SDK2: variants seen among roughly 807,000 people sequenced by gnomAD.
SDK2 encodes sidekick cell adhesion molecule 2.
A neutral mutation model predicts 253.9 loss-of-function variants in SDK2; 105 were observed. The ratio of observed to expected loss-of-function variants is 0.41; its 90% CI spans 0.35 to 0.49. The LOEUF (loss-of-function observed/expected upper bound fraction) is 0.49, where lower values mean the gene tolerates loss of function less well. Among genes scored for constraint, SDK2 ranks in the 20% least tolerant of loss-of-function variants. SDK2 has a pLI of 0.06. For missense variants in SDK2, 2,608 were observed against 3,003.0 expected, an observed-to-expected ratio of 0.87 and a Z score of 3.07; for synonymous variants, 1,249 against 1,234.9, an observed-to-expected ratio of 1.01 and a Z score of -0.24.
In SDK2 at chr17:73,415,875, A is replaced by G. The variant is rs770941916; in HGVS notation, c.2304T>C (p.Ala768=). The part of the protein sequence containing the change: ...IIWTNYEIEV[A]AYNSAGLGVY... ...CCCCCAGCCCAGCGCTGTTGTAAGC[A>G]GCCACCTCGATCTCGTAGTTGGTCC... Residue 768 remains alanine (A), a synonymous_variant, in exon 17 of 45, where the codon GCT becomes GCC. Transcript: ENST00000392650. The G allele has an allele frequency of 5.1e-6, 8 of 1,582,492 alleles. No individual in the cohort carries two copies. The East Asian group carries it at 1.8e-4, about 37-fold the overall frequency.
intron 1 of SDK2, among the ~76,000 whole-genome samples, chr17:73,522,485 T>C (rs1182723964): frequency 6.6e-6 from 1 of 152,226 alleles, no homozygotes; most frequent in Admixed American, 6.5e-5. Context: ...TATCCTTGCC[T>C]GGGAACCAGC....
rs150211612 is a variant in SDK2 at position 73,612,032 on chromosome 17, G to A, written c.64+31993C>T. 4.0e-3 allele frequency among the ~76,000 whole-genome samples: 604 copies of A among 152,240 alleles called. 3 individuals are homozygous for A. Among genetic ancestry groups the A allele is most frequent in the African/African-American group, 0.014 (566 of 41,524 alleles). On this transcript the variant is annotated intron_variant, in intron 1 of 44. Transcript: ENST00000392650. This position sits in a 1 kb window ranked among gnomAD's most constrained non-coding sequence, Gnocchi z 4.4. ...AGGGAGCCCACATTACCCATCAGCC[G>A]CCAGGGAAGTCTCCCCACAGTACAG...
chr17:73,459,615 A>C (rs1227876948), intron 3 of SDK2, among the ~76,000 whole-genome samples: 1 of 152,128 alleles, frequency 6.6e-6, no homozygotes, highest in Non-Finnish European at 1.5e-5. Flanking sequence ...TGTAATGGTA[A>C]TGGCTTTGGA....
chr17:73,395,520 G>A lies in SDK2; in HGVS notation c.3355-128C>T. The A allele has an allele frequency of 1.5e-6, 1 of 675,678 alleles. No homozygotes were observed. Among genetic ancestry groups the A allele is most frequent in the African/African-American group, 1.8e-5 (1 of 56,026 alleles). 41.9% of individuals were successfully genotyped at this position (675,678 alleles called of 1,614,324 possible). ...TCCATCCCACTGTCACCCGGTCAGT[G>A]TCCACATGAGGCTCTCTCACCCGAG... On this transcript the variant is annotated intron_variant, in intron 24 of 44. Transcript: ENST00000392650. This position sits in a 1 kb window ranked among gnomAD's most constrained non-coding sequence, Gnocchi z 4.3.
chr17:73,572,598 A>G (rs1473299862), intron 1 of SDK2, among the ~76,000 whole-genome samples: 1 of 152,098 alleles, frequency 6.6e-6, no homozygotes, highest in Non-Finnish European at 1.5e-5. Context: ...CTATTCCCTG[A>G]GCTCTGTAGG....
At position 73,438,165 on chromosome 17, in the gene SDK2, C is replaced by T; in HGVS notation, c.726-11G>A. On this transcript the variant is annotated splice_polypyrimidine_tract_variant and intron_variant, in intron 6 of 44. Coordinates refer to ENST00000392650, the MANE Select transcript of SDK2 (RefSeq NM_001144952.2). ...AGCTTGATCAGGGGCCTGCAGAGGG[C>T]AAGGGAAGGCCAGTGTTCAGCCATG... The T allele has an allele frequency of 6.5e-7, 1 of 1,546,878 alleles. No homozygotes were observed. Among genetic ancestry groups the T allele is most frequent in the South Asian group, 1.2e-5 (1 of 83,594 alleles).
At chr17:73,430,654 G>C (rs1167975242) in intron 11 of SDK2, 41 bp from the exon 12 acceptor site, 1 of 1,384,034 alleles carries the variant, frequency 7.2e-7, no homozygotes, top group African/African-American at 1.5e-5. Context: ...GAAGAGGTGT[G>C]GGGGCTGTGT....
At chr17:73,422,168 A>T in intron 15 of SDK2, 119 bp downstream of exon 15, 1 of 1,107,692 alleles carries the variant, frequency 9.0e-7, no homozygotes, top group South Asian at 1.5e-5. Flanking sequence ...CCTTCTACAG[A>T]GGCGGAAGCC....
intron 1 of SDK2, among the ~76,000 whole-genome samples, chr17:73,531,479 C>T (rs1377233723): frequency 2.0e-5 from 3 of 152,092 alleles, no homozygotes; most frequent in Admixed American, 2.0e-4. Context: ...GCGTCTGGTC[C>T]ACCGTTGGCA....
chr17:73,338,381 A>T lies in SDK2; in HGVS notation c.*206T>A, dbSNP rs56009250. On this transcript the variant is annotated 3_prime_UTR_variant, in exon 45 of 45. Coordinates refer to ENST00000392650, the MANE Select transcript of SDK2 (RefSeq NM_001144952.2). The surrounding 1 kb of genome is among the most constrained non-coding windows in gnomAD (Gnocchi z 5.0). Reference sequence around the variant, plus strand: ...GAACCCCACCATCTCAAAGCTGAAGAGCTGCTGGCCACACACATCCTCTCA... The same window carrying T: ...GAACCCCACCATCTCAAAGCTGAAGTGCTGCTGGCCACACACATCCTCTCA... The T allele has an allele frequency of 3.1e-3, 2,125 of 689,624 alleles. 33 individuals are homozygous for T. The African/African-American group carries it at 0.032, about 10-fold the overall frequency. 42.7% of individuals were successfully genotyped at this position (689,624 alleles called of 1,614,324 possible).
chr17:73,525,923 A>G (rs1346352920), intron 1 of SDK2, among the ~76,000 whole-genome samples: 1 of 152,256 alleles, frequency 6.6e-6, no homozygotes, highest in African/African-American at 2.4e-5. Flanking sequence ...CGTGCCACAA[A>G]ATGTCAGAGT....
intron 23 of SDK2, 65 bp downstream of exon 23, chr17:73,398,255 G>A: frequency 6.2e-7 from 1 of 1,602,262 alleles, no homozygotes; most frequent in Non-Finnish European, 8.5e-7. Context: ...TCCTGGTCTG[G>A]GCCATAGCCC....
chr17:73,429,421 T>G (rs1214094747), intron 12 of SDK2, among the ~76,000 whole-genome samples: 1 of 152,230 alleles, frequency 6.6e-6, no homozygotes, highest in Non-Finnish European at 1.5e-5. Context: ...CTTCATGAGG[T>G]GTTTCTCAAA....
chr17:73,338,115 C>T lies in SDK2; in HGVS notation c.*472G>A, dbSNP rs3195419. The T allele has an allele frequency of 0.37, 93,412 of 252,692 alleles. 18,610 individuals are homozygous for T. The highest frequency in any genetic ancestry group is 0.47 in the Admixed American group (8,942 of 19,012). 15.7% of individuals were successfully genotyped at this position (252,692 alleles called of 1,614,324 possible). ...AGCAGAGAGAGAAGATAGGCGTGGC[C>T]TCCGGGATGCCCATTCTTTTTGCAG... On this transcript the variant is annotated 3_prime_UTR_variant, in exon 45 of 45. Coordinates refer to ENST00000392650, the MANE Select transcript of SDK2 (RefSeq NM_001144952.2). The surrounding 1 kb of genome is among the most constrained non-coding windows in gnomAD (Gnocchi z 5.0).
At chr17:73,418,173 A>AATTTTTGT (rs760815426) in intron 16 of SDK2, among the ~76,000 whole-genome samples, 1 of 151,940 alleles carries the variant, frequency 6.6e-6, no homozygotes, top group South Asian at 2.1e-4. Flanking sequence ...ATGCCCAGGT[A>AATTTTTGT]ATTTTTGTAT....
intron 3 of SDK2, among the ~76,000 whole-genome samples, chr17:73,463,520 C>CCGGA (rs2063577812): frequency 1.3e-5 from 2 of 152,194 alleles, no homozygotes; most frequent in Non-Finnish European, 2.9e-5. Flanking sequence ...TTCCCCTACC[C>CCGGA]TGGATCTCCC....
At chr17:73,419,892 A>G (rs192622516) in intron 15 of SDK2, among the ~76,000 whole-genome samples, 1 of 151,872 alleles carries the variant, frequency 6.6e-6, no homozygotes, top group African/African-American at 2.4e-5. Flanking sequence ...AAAAAAAAAA[A>G]AAATTAATGT....
intron 1 of SDK2, among the ~76,000 whole-genome samples, chr17:73,615,858 A>G (rs1464658543): frequency 6.6e-6 from 1 of 152,242 alleles, no homozygotes; most frequent in Non-Finnish European, 1.5e-5. Context: ...ACAATAACAT[A>G]CAACACATAC....
In SDK2 at chr17:73,365,182, C is replaced by T. The variant is rs907406148; in HGVS notation, c.5305+76G>A. The T allele has an allele frequency of 5.3e-6, 6 of 1,127,808 alleles. No individual in the cohort carries two copies. In the African/African-American group the frequency reaches 8.0e-5, roughly 15 times the overall value. 69.9% of individuals were successfully genotyped at this position (1,127,808 alleles called of 1,614,324 possible). On this transcript the variant is annotated intron_variant, in intron 38 of 44. Coordinates refer to ENST00000392650, the MANE Select transcript of SDK2 (RefSeq NM_001144952.2). ...ACCGAATCTCACTCATGTGTAGTGG[C>T]TGTGATGGGCGCTGAGATGAGAGCG...
Sources: gnomAD v4.1 joint callset for allele counts (sites outside exome capture counted in the v4.1 genomes callset) on GRCh38, gnomAD v4.1.1 for gene constraint, Gnocchi (gnomAD v3.1) non-coding constraint, MANE v1.5 for transcripts, NCBI Gene and HGNC (gene_info 2026-07-23, HGNC 2026-07-21) for gene names.